The following TP63 variants were observed in gnomAD, a reference collection of about 807,000 sequenced individuals.
The protein encoded by TP63 is tumor protein 63.
Under a neutral mutation model 82.8 loss-of-function variants are expected in TP63, and 17 were observed. The observed-to-expected ratio is 0.21, with a 90% confidence interval of 0.14 to 0.31. The LOEUF (loss-of-function observed/expected upper bound fraction) is 0.31, where lower values mean the gene tolerates loss of function less well. Among genes scored for constraint, TP63 ranks in the 10% least tolerant of loss-of-function variants. The pLI is 1.00. For missense variants in TP63, 648 were observed against 895.3 expected, an observed-to-expected ratio of 0.72 and a Z score of 3.52; for synonymous variants, 330 against 321.7, an observed-to-expected ratio of 1.03 and a Z score of -0.28.
chr3:189,638,276 C>T (rs1711521559), intron 1 of TP63, among the ~76,000 whole-genome samples: 1 of 151,986 alleles, frequency 6.6e-6, no homozygotes, highest in East Asian at 1.9e-4. Context: ...CTAAACCTTC[C>T]CATGAATTTA....
intron 4 of TP63, among the ~76,000 whole-genome samples, chr3:189,854,431 C>G (rs1407652811): frequency 6.6e-6 from 1 of 152,156 alleles, no homozygotes; most frequent in African/African-American, 2.4e-5. Context: ...CATGGTTTCT[C>G]CATGTTGGTC....
chr3:189,656,720 A>C (rs1281450100), intron 1 of TP63, among the ~76,000 whole-genome samples: 1 of 152,148 alleles, frequency 6.6e-6, no homozygotes, highest in African/African-American at 2.4e-5. Flanking sequence ...CATAAGGGAC[A>C]AAAAACAGAT....
chr3:189,667,618 G>A (rs1298905024), intron 1 of TP63, among the ~76,000 whole-genome samples: 1 of 152,078 alleles, frequency 6.6e-6, no homozygotes, highest in East Asian at 1.9e-4. Flanking sequence ...GACTATGGGA[G>A]GCTGCAAAGC....
intron 4 of TP63, among the ~76,000 whole-genome samples, chr3:189,824,540 T>C (rs1014780664): frequency 4.6e-5 from 7 of 152,092 alleles, no homozygotes; most frequent in Admixed American, 6.5e-5. Flanking sequence ...GCCTGGACTT[T>C]TCCAATTAGG....
At chr3:189,800,035 A>G (rs753592087) in intron 3 of TP63, among the ~76,000 whole-genome samples, 3 of 152,152 alleles carry the variant, frequency 2.0e-5, no homozygotes, top group Non-Finnish European at 4.4e-5. Flanking sequence ...GTTTATACAT[A>G]TAGTTAATTT....
At chr3:189,691,778 T>C (rs894664234) in intron 1 of TP63, among the ~76,000 whole-genome samples, 12 of 152,240 alleles carry the variant, frequency 7.9e-5, no homozygotes, top group Admixed American at 5.2e-4. Flanking sequence ...CATTCTCTTT[T>C]GTTTTTCTGT....
At chr3:189,691,202 G>A (rs1716886469) in intron 1 of TP63, among the ~76,000 whole-genome samples, 1 of 151,546 alleles carries the variant, frequency 6.6e-6, no homozygotes, top group South Asian at 2.1e-4. Context: ...AGCCGGGCGT[G>A]GTGGTGCACG....
intron 4 of TP63, chr3:189,829,803 A>G (rs1383637351): frequency 1.7e-5 from 4 of 241,474 alleles, no homozygotes; most frequent in African/African-American, 7.1e-5. Flanking sequence ...AAAGATTTCT[A>G]TACTGCTGAC....
intron 1 of TP63, among the ~76,000 whole-genome samples, chr3:189,675,869 G>T (rs1321085796): frequency 6.6e-6 from 1 of 152,114 alleles, no homozygotes; most frequent in Non-Finnish European, 1.5e-5. Context: ...TTCTTCTGGT[G>T]TGTTAATTAG....
chr3:189,891,124 T>A (rs1720972564), intron 13 of TP63, among the ~76,000 whole-genome samples: 1 of 152,192 alleles, frequency 6.6e-6, no homozygotes, highest in East Asian at 1.9e-4. Context: ...TCTATTGCAC[T>A]TACACTATTC....
At chr3:189,864,474 G>T in intron 5 of TP63, 56 bp downstream of exon 5, 1 of 1,556,408 alleles carries the variant, frequency 6.4e-7, no homozygotes, top group Non-Finnish European at 8.7e-7. Flanking sequence ...AAGATTCTGT[G>T]GGCATTTTTG....
intron 1 of TP63, among the ~76,000 whole-genome samples, chr3:189,699,679 A>G (rs1230456690): frequency 6.6e-6 from 1 of 152,016 alleles, no homozygotes; most frequent in African/African-American, 2.4e-5. Flanking sequence ...TTAAAAAAAA[A>G]TCCTAGCATT....
intron 1 of TP63, among the ~76,000 whole-genome samples, chr3:189,667,218 C>T (rs550586907): frequency 2.2e-5 from 3 of 138,162 alleles, no homozygotes; most frequent in African/African-American, 8.4e-5. Context: ...GTCACCCAGG[C>T]GAGAGTAGTA....
intron 10 of TP63, among the ~76,000 whole-genome samples, chr3:189,879,727 G>A (rs1047556550): frequency 1.3e-5 from 2 of 152,056 alleles, no homozygotes; most frequent in East Asian, 1.9e-4. Context: ...CGACTGAATC[G>A]CCTTGTGTAA....
intron 12 of TP63, 150 bp downstream of exon 12, chr3:189,889,634 T>C: frequency 1.8e-6 from 2 of 1,081,696 alleles, no homozygotes; most frequent in South Asian, 1.5e-5. Flanking sequence ...ATCTGTGGAG[T>C]GGTCAACAAT....
At chr3:189,822,076 A>G (rs1261775479) in intron 4 of TP63, among the ~76,000 whole-genome samples, 1 of 152,180 alleles carries the variant, frequency 6.6e-6, no homozygotes. Flanking sequence ...TGGGCTAAAC[A>G]CTGTCTCTAG....
chr3:189,870,104 G>C (rs954668313), intron 9 of TP63, among the ~76,000 whole-genome samples: 4 of 151,904 alleles, frequency 2.6e-5, no homozygotes, highest in African/African-American at 9.7e-5. Flanking sequence ...GATTATCCTA[G>C]GCAGCATGGC....
At chr3:189,840,588 C>T (rs1185215341) in intron 4 of TP63, among the ~76,000 whole-genome samples, 2 of 151,354 alleles carry the variant, frequency 1.3e-5, no homozygotes, top group East Asian at 1.9e-4. Context: ...TGGCTGGGTG[C>T]GGTGGCTCAC....
chr3:189,753,930 C>T (rs1215940980), intron 3 of TP63, among the ~76,000 whole-genome samples: 5 of 151,986 alleles, frequency 3.3e-5, no homozygotes, highest in African/African-American at 1.2e-4. Context: ...AGAAACATTA[C>T]CATAATATTG....
Sources: allele counts gnomAD v4.1 joint callset (sites outside exome capture counted in the v4.1 genomes callset), GRCh38; gene constraint gnomAD v4.1.1; transcripts MANE v1.5; gene names NCBI Gene and HGNC (gene_info 2026-07-23, HGNC 2026-07-21).